Variants in SLC10A7 observed in about 807,000 individuals in gnomAD.
SLC10A7 encodes the protein sodium/bile acid cotransporter 7.
SLC10A7 carries 29 observed loss-of-function variants against 43.2 expected under a neutral mutation model. The observed-to-expected ratio is 0.67, with a 90% CI of 0.50 to 0.92. SLC10A7 has a LOEUF of 0.92. Among genes scored for constraint, SLC10A7 ranks in the 40% least tolerant of loss-of-function variants. The probability of loss-of-function intolerance (pLI) is 0.00; values close to 1 mark genes in which losing one functional copy is unlikely to be tolerated. For missense variants in SLC10A7, 295 were observed against 403.2 expected (o/e 0.73, Z 2.30); for synonymous variants, 152 against 144.8 (o/e 1.05, Z -0.35).
At chr4:146,511,334 A>C (rs1737443574) in intron 2 of SLC10A7, among the ~76,000 whole-genome samples, 1 of 152,346 alleles carries the variant, frequency 6.6e-6, no homozygotes, top group African/African-American at 2.4e-5. Context: ...ATAAAACTGG[A>C]AAGTGCTAGA....
chr4:146,331,472 G>T (rs534177363), intron 5 of SLC10A7, among the ~76,000 whole-genome samples: 30 of 152,248 alleles, frequency 2.0e-4, no homozygotes, highest in African/African-American at 7.0e-4. Flanking sequence ...GTAGGCATTG[G>T]CCAGTTTTGT....
chr4:146,490,667 C>T (rs1579322204), intron 4 of SLC10A7, among the ~76,000 whole-genome samples: 2 of 152,106 alleles, frequency 1.3e-5, no homozygotes, highest in Non-Finnish European at 2.9e-5. Flanking sequence ...TAAGCATACA[C>T]TCTGAATAAT....
chr4:146,369,433 C>G (rs144054158), intron 5 of SLC10A7, among the ~76,000 whole-genome samples: 13 of 152,256 alleles, frequency 8.5e-5, no homozygotes, highest in African/African-American at 2.9e-4. Flanking sequence ...AAACATAAAA[C>G]ATCTTCATTT....
chr4:146,451,041 T>C (rs1731538124), intron 4 of SLC10A7, among the ~76,000 whole-genome samples: 1 of 150,814 alleles, frequency 6.6e-6, no homozygotes, highest in Non-Finnish European at 1.5e-5. Context: ...CCAGACAGAT[T>C]AAAGATCTAG....
At chr4:146,433,029 C>A (rs1406558115) in intron 5 of SLC10A7, among the ~76,000 whole-genome samples, 33 of 150,006 alleles carry the variant, frequency 2.2e-4, no homozygotes, top group Admixed American at 2.2e-3. Flanking sequence ...CAGAGCAAGA[C>A]TCTGTCTCAA....
rs1313948215 is a variant in SLC10A7, at chr4:146,510,027, T to A, written c.206A>T (p.His69Leu). 2 of 1,612,216 alleles carry A rather than the reference T, an allele frequency of 1.2e-6. No homozygotes were observed. The highest frequency in any genetic ancestry group is 2.7e-5 in the African/African-American group (2 of 74,820). The change falls in exon 3 of 12, where the codon CAT becomes CTT. Residue 69 changes from histidine to leucine, a missense_variant. His to Leu is a moderately conservative substitution (Grantham distance 99). Transcript: ENST00000335472. ...CTGAATAAAAAGATGCAGTTTTAGATGCACCAAAGCACTGGTCAGCTCCTG... is the reference window on the plus strand; with the variant it reads ...CTGAATAAAAAGATGCAGTTTTAGAAGCACCAAAGCACTGGTCAGCTCCTG... ...KTEELTSALV[H>L]LKLHLFIQIF...
intron 4 of SLC10A7, among the ~76,000 whole-genome samples, chr4:146,467,427 C>T (rs926766816): frequency 6.6e-6 from 1 of 150,894 alleles, no homozygotes; most frequent in African/African-American, 2.4e-5. Flanking sequence ...AAGCTCCCTA[C>T]CCAGTCAACT....
intron 6 of SLC10A7, among the ~76,000 whole-genome samples, chr4:146,322,530 C>T (rs959395925): frequency 2.6e-5 from 4 of 151,944 alleles, no homozygotes; most frequent in African/African-American, 9.7e-5. Context: ...TCATCCATGT[C>T]CCCCTACAAA....
rs556953794 is a variant in SLC10A7, at chr4:146,409,570, A to G, written c.435+33213T>C. ...GGTCATTATATATTAAACAATTATC[A>G]AAACTTACAGAACTGTATACTAAAA... On this transcript the variant is annotated intron_variant, in intron 5 of 11. Coordinates refer to ENST00000335472, the MANE Select transcript of SLC10A7 (RefSeq NM_001029998.6). Among the ~76,000 whole-genome samples the G allele has an allele frequency of 3.7e-4, 57 of 152,270 alleles. No homozygotes were observed. In the South Asian group the frequency reaches 8.1e-3, roughly 22 times the overall value.
chr4:146,428,831 A>T (rs939710813), intron 5 of SLC10A7, among the ~76,000 whole-genome samples: 1 of 152,200 alleles, frequency 6.6e-6, no homozygotes, highest in Non-Finnish European at 1.5e-5. Context: ...GCTATATAAT[A>T]GAAATCACTT....
chr4:146,493,476 ACT>A (rs1735629728), intron 4 of SLC10A7, among the ~76,000 whole-genome samples: 1 of 150,386 alleles, frequency 6.6e-6, no homozygotes, highest in African/African-American at 2.4e-5. Context: ...ACAGTGCGAG[ACT>A]CTGTCTCGAA....
chr4:146,517,757 T>G (rs990106076), intron 1 of SLC10A7, among the ~76,000 whole-genome samples: 1 of 152,048 alleles, frequency 6.6e-6, no homozygotes, highest in African/African-American at 2.4e-5. Context: ...TATATAACAA[T>G]CAAAATACCC....
chr4:146,394,865 A>G (rs906264918), intron 5 of SLC10A7, among the ~76,000 whole-genome samples: 1 of 152,200 alleles, frequency 6.6e-6, no homozygotes, highest in African/African-American at 2.4e-5. Context: ...TATGGTATAA[A>G]TTGAATAATT....
At chr4:146,500,101 T>C (rs1005253876) in intron 4 of SLC10A7, among the ~76,000 whole-genome samples, 1 of 152,224 alleles carries the variant, frequency 6.6e-6, no homozygotes, top group Non-Finnish European at 1.5e-5. Flanking sequence ...ACTAATTATA[T>C]GGCAAATAAA....
intron 4 of SLC10A7, among the ~76,000 whole-genome samples, chr4:146,465,228 G>C (rs982230515): frequency 6.6e-6 from 1 of 152,032 alleles, no homozygotes; most frequent in East Asian, 1.9e-4. Flanking sequence ...TTATGAAATT[G>C]ATCTTTTTCC....
intron 4 of SLC10A7, among the ~76,000 whole-genome samples, 162 bp downstream of exon 4, chr4:146,503,687 T>C (rs1736629031): frequency 6.6e-6 from 1 of 152,176 alleles, no homozygotes; most frequent in African/African-American, 2.4e-5. Context: ...CATAATCAAT[T>C]TTAGCATCAT....
intron 5 of SLC10A7, among the ~76,000 whole-genome samples, chr4:146,339,821 T>A (rs74927333): frequency 8.6e-5 from 13 of 151,332 alleles, no homozygotes; most frequent in South Asian, 2.1e-4. Context: ...TTTTTTTTTT[T>A]AATTTTACTT....
intron 5 of SLC10A7, among the ~76,000 whole-genome samples, chr4:146,366,906 A>G (rs1027511267): frequency 2.0e-5 from 3 of 152,074 alleles, no homozygotes; most frequent in African/African-American, 7.2e-5. Context: ...TGCTTTGAAA[A>G]TGTTCTTGGG....
At chr4:146,412,011 T>C (rs1728228983) in intron 5 of SLC10A7, among the ~76,000 whole-genome samples, 1 of 152,238 alleles carries the variant, frequency 6.6e-6, no homozygotes. Flanking sequence ...GAACACTGCA[T>C]GCAGACCAGT....
Sources: gnomAD v4.1 joint callset for allele counts (sites outside exome capture counted in the v4.1 genomes callset) on GRCh38, gnomAD v4.1.1 for gene constraint, MANE v1.5 for transcripts, NCBI Gene and HGNC (gene_info 2026-07-23, HGNC 2026-07-21) for gene names.